The following FCGR2B variants were observed in gnomAD, a reference collection of about 807,000 sequenced individuals.
The protein encoded by FCGR2B is low affinity immunoglobulin gamma Fc region receptor II-b.
In FCGR2B, 18 loss-of-function variants were observed where a neutral mutation model predicts 24.8. The observed-to-expected ratio is 0.73, with a 90% CI of 0.50 to 1.08. The LOEUF is 1.08. Ranked by LOEUF, FCGR2B falls within the 50% of genes least tolerant of loss-of-function variation. The pLI, the probability that FCGR2B is intolerant of heterozygous loss-of-function variation, is 0.00. For synonymous variants in FCGR2B, 79 were observed against 109.8 expected, an observed-to-expected ratio of 0.72 and a Z score of 1.75; for missense variants, 215 against 297.6, an observed-to-expected ratio of 0.72 and a Z score of 2.04.
At chr1:161,647,305 T>C in the FCGR2B span, among the ~76,000 whole-genome samples, 1 of 120,522 alleles carries the variant, frequency 8.3e-6, no homozygotes, top group East Asian at 2.0e-4. Flanking sequence ...CTCTTTTTTT[T>C]TTTTTTTTTT....
At chr1:161,675,380 G>A in intron 6 of FCGR2B, 67 bp downstream of exon 6, 1 of 1,188,222 alleles carries the variant, frequency 8.4e-7, no homozygotes, top group South Asian at 1.5e-5. Flanking sequence ...CTGGAGCCAG[G>A]GAGAAGGGGC....
chr1:161,677,218 G>A, intron 6 of FCGR2B, 110 bp from the exon 7 acceptor site: 1 of 1,044,196 alleles, frequency 9.6e-7, no homozygotes. Flanking sequence ...AGGGTCAGCA[G>A]TGCTTGCTTT....
chr1:161,675,531 G>C, intron 6 of FCGR2B: 1 of 450,740 alleles, frequency 2.2e-6, no homozygotes, highest in Non-Finnish European at 4.0e-6. Context: ...ACCAGTCCCA[G>C]ATACAGAAGA....
At chr1:161,651,882 G>C in the FCGR2B span, among the ~76,000 whole-genome samples, 6 of 127,368 alleles carry the variant, frequency 4.7e-5, 2 homozygotes. Context: ...GTGGTGAGCT[G>C]AGATTGTGCC....
intron 5 of FCGR2B, 85 bp from the exon 6 acceptor site, chr1:161,675,172 C>T: frequency 1.1e-6 from 1 of 885,674 alleles, no homozygotes; most frequent in Non-Finnish European, 1.8e-6. Flanking sequence ...TGAGCTGGTC[C>T]CATCCAACCC....
At chr1:161,677,013 T>A in intron 6 of FCGR2B, 12 of 387,642 alleles carry the variant, frequency 3.1e-5, no homozygotes, top group Non-Finnish European at 4.2e-5. Context: ...CTCCCCCACC[T>A]CTTCCCCAAT....
the FCGR2B span, among the ~76,000 whole-genome samples, chr1:161,649,129 C>T: frequency 6.6e-6 from 1 of 150,794 alleles, no homozygotes; most frequent in African/African-American, 2.5e-5. Context: ...ACCTTTTCAC[C>T]ATCTCAGTAG....
In FCGR2B at chr1:161,677,926, A is replaced by C. The variant is rs1682279929; in HGVS notation, c.*373A>C. On this transcript the variant is annotated 3_prime_UTR_variant, in exon 8 of 8. Coordinates refer to ENST00000358671, the MANE Select transcript of FCGR2B (RefSeq NM_001394477.1). ...ATCTATATGATTTCAGAAATGTTAAAATAGACTAACCTCTACCAGCACATT... is the reference window on the plus strand; with the variant it reads ...ATCTATATGATTTCAGAAATGTTAACATAGACTAACCTCTACCAGCACATT... 1 of 252,166 alleles carries C rather than the reference A, an allele frequency of 4.0e-6. No individual in the cohort carries two copies. The highest frequency in any genetic ancestry group is 7.6e-6 in the Non-Finnish European group (1 of 131,972). 15.6% of individuals were successfully genotyped at this position (252,166 alleles called of 1,614,324 possible). A position where few individuals can be genotyped will look rare whatever the true frequency, so the allele number is the denominator to read the frequency against.
chr1:161,651,883 A>C, the FCGR2B span, among the ~76,000 whole-genome samples: 3 of 128,556 alleles, frequency 2.3e-5, no homozygotes, highest in African/African-American at 7.9e-5. Context: ...TGGTGAGCTG[A>C]GATTGTGCCA....
At chr1:161,673,731 G>T in intron 4 of FCGR2B, 1 of 423,494 alleles carries the variant, frequency 2.4e-6, no homozygotes, top group Non-Finnish European at 4.5e-6. Flanking sequence ...GTTCCTGCCT[G>T]CTCACAAATG....
chr1:161,649,937 G>A, the FCGR2B span, among the ~76,000 whole-genome samples: 323 of 150,296 alleles, frequency 2.1e-3, 4 homozygotes, highest in East Asian at 0.022. Flanking sequence ...TTTTGTCTTA[G>A]TAGATCTTAG....
chr1:161,677,186 G>A (rs1257295611), intron 6 of FCGR2B, 142 bp from the exon 7 acceptor site: 1 of 778,318 alleles, frequency 1.3e-6, no homozygotes, highest in Non-Finnish European at 2.2e-6. Flanking sequence ...TTTACCCAGT[G>A]CTTGGCCTAG....
At chr1:161,651,962 A>C in the FCGR2B span, among the ~76,000 whole-genome samples, 1 of 124,680 alleles carries the variant, frequency 8.0e-6, no homozygotes, top group Admixed American at 9.2e-5. Flanking sequence ...AAATAAAATA[A>C]AATAAAATAA....
intron 6 of FCGR2B, chr1:161,675,543 A>C (rs1285526285): frequency 7.1e-6 from 3 of 423,524 alleles, no homozygotes; most frequent in African/African-American, 6.2e-5. Context: ...TACAGAAGAG[A>C]GGGCTGTGTC....
At chr1:161,672,103 G>A (rs11811662) in intron 3 of FCGR2B, 22,502 of 193,076 alleles carry the variant, frequency 0.12, 1,096 homozygotes, top group African/African-American at 0.17. Flanking sequence ...CCTTCTCCAC[G>A]TTCTCACTGT....
intron 6 of FCGR2B, 116 bp downstream of exon 6, chr1:161,675,429 G>T (rs1445840623): frequency 1.5e-6 from 1 of 669,486 alleles, no homozygotes; most frequent in Non-Finnish European, 2.5e-6. Flanking sequence ...GGGAGCAGCA[G>T]TGGGAGGATG....
At position 161,671,398 on chromosome 1, in the gene FCGR2B, C is replaced by T; in HGVS notation, c.140C>T (p.Pro47Leu). The T allele has an allele frequency of 6.2e-7, 1 of 1,614,176 alleles. No individual in the cohort carries two copies. The highest frequency in any genetic ancestry group is 8.5e-7 in the Non-Finnish European group (1 of 1,180,044). ...LAPVAGTPAA[P>L]PKAVLKLEPQ... ...TCCTCTCTCTGCCCCTCAGCAGCTC[C>T]CCCAAAGGCTGTGCTGAAACTCGAG... is the stretch of plus-strand genomic sequence containing the variant. Residue 47 changes from proline (P) to leucine (L), a missense_variant, in exon 3 of 8, where the codon CCC becomes CTC. By Grantham distance (98) the Pro-to-Leu change is moderately conservative. Transcript: ENST00000358671.
At chr1:161,668,903 TTCTC>T (rs1681443226) in intron 1 of FCGR2B, among the ~76,000 whole-genome samples, 1 of 105,458 alleles carries the variant, frequency 9.5e-6, no homozygotes, top group Admixed American at 9.1e-5. Flanking sequence ...CTTCTTGACT[TTCTC>T]TCAGCCCAGA....
At chr1:161,650,304 T>C in the FCGR2B span, among the ~76,000 whole-genome samples, 1 of 146,206 alleles carries the variant, frequency 6.8e-6, no homozygotes, top group Non-Finnish European at 1.5e-5. Flanking sequence ...AGTTTTGAAG[T>C]GGAAATGCCT....
Sources: gnomAD v4.1 joint callset for allele counts (sites outside exome capture counted in the v4.1 genomes callset) on GRCh38, gnomAD v4.1.1 for gene constraint, MANE v1.5 for transcripts, NCBI Gene and HGNC (gene_info 2026-07-23, HGNC 2026-07-21) for gene names.